Variants in CYTH1 observed in about 807,000 individuals in gnomAD.
The protein encoded by CYTH1 is cytohesin 1.
Under a neutral mutation model 61.8 loss-of-function variants are expected in CYTH1, and 18 were observed. The observed-to-expected ratio is 0.29, with a 90% CI of 0.20 to 0.43. The LOEUF is 0.43. CYTH1 is among the 20% of genes least tolerant of loss of function. The pLI, the probability that CYTH1 is intolerant of heterozygous loss-of-function variation, is 1.00. For synonymous variants in CYTH1, 174 were observed against 184.3 expected, an observed-to-expected ratio of 0.94 and a Z score of 0.45; for missense variants, 336 against 510.5, an observed-to-expected ratio of 0.66 and a Z score of 3.29.
At chr17:78,702,299 G>A in intron 4 of CYTH1, 59 bp from the exon 5 acceptor site, 18 of 1,404,000 alleles carry the variant, frequency 1.3e-5, no homozygotes, top group Non-Finnish European at 1.7e-5. Flanking sequence ...TGAAAAGAAG[G>A]GGAAAGGGCA....
intron 1 of CYTH1, chr17:78,723,514 A>AGCGCAGAGATGGAC (rs913157425): frequency 6.6e-6 from 1 of 152,320 alleles, no homozygotes; most frequent in Non-Finnish European, 1.5e-5. Context: ...GCTGGCGCAG[A>AGCGCAGAGATGGAC]GCGCAGAGAT....
Position 78,746,700 on chromosome 17 carries a change from G to A in CYTH1, c.22+35502C>T, listed in dbSNP as rs536990538. Reference sequence around the variant, plus strand: ...CTCGTGCCTATAATCTCAGCACTTTGGAAGGCCGAGGTGAGAGGATCACTT... The same window carrying A: ...CTCGTGCCTATAATCTCAGCACTTTAGAAGGCCGAGGTGAGAGGATCACTT... On this transcript the variant is annotated intron_variant, in intron 1 of 13. Transcript: ENST00000446868. Among the ~76,000 whole-genome samples the A allele has an allele frequency of 1.8e-4, 28 of 152,222 alleles. No individual in the cohort carries two copies. In the South Asian group the frequency reaches 5.6e-3, roughly 30 times the overall value.
intron 1 of CYTH1, among the ~76,000 whole-genome samples, chr17:78,763,277 A>G (rs1030945213): frequency 1.3e-5 from 2 of 150,238 alleles, no homozygotes; most frequent in Admixed American, 1.3e-4. Flanking sequence ...TAGGAGGCAG[A>G]GGTTGCAGTG....
chr17:78,704,261 C>T (rs565986663), intron 3 of CYTH1, among the ~76,000 whole-genome samples: 35 of 152,230 alleles, frequency 2.3e-4, no homozygotes, highest in Middle Eastern at 3.4e-3. Flanking sequence ...GGCCCTGGAC[C>T]GGCTGAGTAA....
chr17:78,701,428 CA>C (rs1167818085), intron 6 of CYTH1, among the ~76,000 whole-genome samples: 1 of 152,098 alleles, frequency 6.6e-6, no homozygotes, highest in Non-Finnish European at 1.5e-5. Context: ...TCTAAAACCT[CA>C]AATATAAGAC....
intron 1 of CYTH1, among the ~76,000 whole-genome samples, chr17:78,772,758 G>T (rs8070575): frequency 6.6e-6 from 1 of 151,766 alleles, no homozygotes; most frequent in Non-Finnish European, 1.5e-5. Flanking sequence ...GGATGGTCTC[G>T]ATCTCTTGAC....
chr17:78,764,505 T>C (rs1195452436), intron 1 of CYTH1, among the ~76,000 whole-genome samples: 1 of 152,124 alleles, frequency 6.6e-6, no homozygotes, highest in East Asian at 1.9e-4. Context: ...TCTGAATGCA[T>C]AAAAAATGTC....
intron 2 of CYTH1, among the ~76,000 whole-genome samples, chr17:78,708,565 G>A (rs2093093677): frequency 6.6e-6 from 1 of 152,206 alleles, no homozygotes; most frequent in Non-Finnish European, 1.5e-5. Context: ...AAACCTGGCT[G>A]CCTCATCACA....
chr17:78,758,040 A>G lies in CYTH1; in HGVS notation c.22+24162T>C, dbSNP rs868718565. On this transcript the variant is annotated intron_variant, in intron 1 of 13. Coordinates refer to ENST00000446868, the MANE Select transcript of CYTH1 (RefSeq NM_004762.6). ...CACACTTTCTGAAAACCCATTTGGC[A>G]GTACATATCAAGAGACTACAAAGTT... 3.9e-5 allele frequency among the ~76,000 whole-genome samples: 6 copies of G among 152,352 alleles called. No homozygotes were observed. The South Asian group carries it at 1.2e-3, about 32-fold the overall frequency.
At chr17:78,765,173 C>G (rs1056248367) in intron 1 of CYTH1, among the ~76,000 whole-genome samples, 2 of 152,066 alleles carry the variant, frequency 1.3e-5, no homozygotes, top group African/African-American at 4.8e-5. Flanking sequence ...ATGGGTATCC[C>G]TGATGGGTCC....
chr17:78,768,610 ATT>A (rs1167310396), intron 1 of CYTH1, among the ~76,000 whole-genome samples: 1 of 151,700 alleles, frequency 6.6e-6, no homozygotes, highest in African/African-American at 2.4e-5. Context: ...AAATCCATCA[ATT>A]TCATGTCCTT....
At chr17:78,687,933 C>T (rs2092833256) in intron 11 of CYTH1, among the ~76,000 whole-genome samples, 2 of 152,190 alleles carry the variant, frequency 1.3e-5, no homozygotes, top group East Asian at 1.9e-4. Context: ...CTTTAGAGAG[C>T]GTCTCACTCT....
chr17:78,736,316 CAAGGCGGAACTCT>C (rs966705782), intron 1 of CYTH1, among the ~76,000 whole-genome samples: 25 of 152,204 alleles, frequency 1.6e-4, no homozygotes, highest in African/African-American at 5.8e-4. Flanking sequence ...AAGAAACACC[CAAGGCGGAACTCT>C]AACGAAAGCA....
At chr17:78,704,179 C>CT (rs1352744382) in intron 3 of CYTH1, among the ~76,000 whole-genome samples, 1 of 152,168 alleles carries the variant, frequency 6.6e-6, no homozygotes, top group Non-Finnish European at 1.5e-5. Context: ...GATTCTGACT[C>CT]TATGTCTGAG....
At chr17:78,731,264 C>G (rs1348424304) in intron 1 of CYTH1, among the ~76,000 whole-genome samples, 1 of 152,154 alleles carries the variant, frequency 6.6e-6, no homozygotes, top group Admixed American at 6.5e-5. Context: ...ATTTGCAGAA[C>G]TGACCAGGGC....
chr17:78,732,473 G>A (rs1245428782), intron 1 of CYTH1, among the ~76,000 whole-genome samples: 2 of 152,154 alleles, frequency 1.3e-5, no homozygotes, highest in African/African-American at 2.4e-5. Context: ...AATACCGTGA[G>A]CATTCATCTC....
intron 1 of CYTH1, among the ~76,000 whole-genome samples, chr17:78,746,436 G>T (rs1332518623): frequency 2.6e-5 from 4 of 152,026 alleles, no homozygotes; most frequent in African/African-American, 9.7e-5. Flanking sequence ...TATTACAAAG[G>T]CCACTTTCCC....
chr17:78,760,750 C>G lies in CYTH1; in HGVS notation c.22+21452G>C, dbSNP rs574944140. Among the ~76,000 whole-genome samples the G allele has an allele frequency of 4.6e-5, 7 of 151,534 alleles. No individual in the cohort carries two copies. The South Asian group carries it at 1.5e-3, about 32-fold the overall frequency. Reference sequence around the variant, plus strand: ...TACACAAAAAGCATCATATACTTATCTTTCTAAAAGTTACAGGTATCAAGT... The same window carrying G: ...TACACAAAAAGCATCATATACTTATGTTTCTAAAAGTTACAGGTATCAAGT... On this transcript the variant is annotated intron_variant, in intron 1 of 13. Transcript: ENST00000446868.
At chr17:78,684,260 C>G (rs1410070106) in intron 11 of CYTH1, among the ~76,000 whole-genome samples, 1 of 152,186 alleles carries the variant, frequency 6.6e-6, no homozygotes, top group African/African-American at 2.4e-5. Flanking sequence ...GAGCCAGCAT[C>G]GCAGACAGGT....
Sources: gnomAD v4.1 joint callset for allele counts (sites outside exome capture counted in the v4.1 genomes callset) on GRCh38, gnomAD v4.1.1 for gene constraint, MANE v1.5 for transcripts, NCBI Gene and HGNC (gene_info 2026-07-23, HGNC 2026-07-21) for gene names.